Variants in PCBP3 observed in about 807,000 individuals in gnomAD.
PCBP3 encodes the protein poly(rC) binding protein 3, also known as poly(rC)-binding protein 3.
Under a neutral mutation model 52.7 loss-of-function variants are expected in PCBP3, and 25 were observed. The ratio of observed to expected loss-of-function variants is 0.47; its 90% CI spans 0.35 to 0.66. The LOEUF (loss-of-function observed/expected upper bound fraction) is 0.66. PCBP3 is among the 30% of genes least tolerant of loss of function. PCBP3 has a pLI of 0.01. For missense variants in PCBP3, 391 were observed against 490.3 expected (o/e 0.80, Z 1.91); for synonymous variants, 162 against 183.0 (o/e 0.89, Z 0.93).
intron 5 of PCBP3, among the ~76,000 whole-genome samples, chr21:45,862,762 G>A (rs1468013780): frequency 6.6e-6 from 1 of 152,182 alleles, no homozygotes. Flanking sequence ...CGACGAAACC[G>A]GGCCCTCTTC....
At chr21:45,677,487 T>A (rs1322424019) in intron 2 of PCBP3, among the ~76,000 whole-genome samples, 1 of 152,256 alleles carries the variant, frequency 6.6e-6, no homozygotes, top group African/African-American at 2.4e-5. Flanking sequence ...CAAGTGCTGA[T>A]GTAGATGCTG....
At chr21:45,766,687 A>G (rs1421147287) in intron 4 of PCBP3, among the ~76,000 whole-genome samples, 1 of 152,192 alleles carries the variant, frequency 6.6e-6, no homozygotes, top group Non-Finnish European at 1.5e-5. Context: ...AGATGCCCAC[A>G]GATGTCCCCG....
At chr21:45,784,722 C>T (rs1020635017) in intron 4 of PCBP3, among the ~76,000 whole-genome samples, 2 of 152,246 alleles carry the variant, frequency 1.3e-5, no homozygotes, top group African/African-American at 2.4e-5. Context: ...CTCGGCCTCC[C>T]GAGGTGCCGG....
intron 4 of PCBP3, chr21:45,760,576 G>A (rs966839463): frequency 2.0e-5 from 3 of 152,208 alleles, no homozygotes; most frequent in African/African-American, 7.2e-5. Flanking sequence ...CTGGGATTGC[G>A]TGGGTAGAGT....
intron 5 of PCBP3, among the ~76,000 whole-genome samples, chr21:45,852,039 AC>A (rs1327704280): frequency 6.6e-6 from 1 of 152,246 alleles, no homozygotes; most frequent in East Asian, 1.9e-4. Context: ...TGTTCTGTTA[AC>A]AATAGGGTGA....
rs201330830 is a variant in PCBP3, at chr21:45,909,450, C to T, written c.435C>T (p.Ile145=). The T allele has an allele frequency of 1.6e-5, 26 of 1,613,174 alleles. No individual in the cohort carries two copies. Among genetic ancestry groups the T allele is most frequent in the Middle Eastern group, 3.3e-4 (2 of 6,080 alleles). ...VVPASQCGSL[I]GKGGSKIKEI... Reference sequence around the variant, plus strand: ...CTGCCAGCCAGTGTGGGTCCCTGATCGGCAAAGGAGGCTCCAAGATCAAGG... The same window carrying T: ...CTGCCAGCCAGTGTGGGTCCCTGATTGGCAAAGGAGGCTCCAAGATCAAGG... The change falls in exon 10 of 18, where the codon ATC becomes ATT. Residue 145 remains isoleucine (I), a synonymous_variant. Coordinates refer to ENST00000681687, the MANE Select transcript of PCBP3 (RefSeq NM_001384156.1).
chr21:45,865,968 C>T (rs572047516), intron 5 of PCBP3, among the ~76,000 whole-genome samples: 39 of 152,326 alleles, frequency 2.6e-4, no homozygotes, highest in Admixed American at 5.9e-4. Context: ...CCAGGACCCC[C>T]GCATGGACTG....
Position 45,800,435 on chromosome 21 carries a change from C to T in PCBP3, c.-126+44983C>T, listed in dbSNP as rs1316845463. ...TGAGGGTAAATGGAGAGGCTCTTTACCAGCACTGAACTCTGAGCCCAACTG... is the reference window on the plus strand; with the variant it reads ...TGAGGGTAAATGGAGAGGCTCTTTATCAGCACTGAACTCTGAGCCCAACTG... On this transcript the variant is annotated intron_variant, in intron 4 of 17. Coordinates refer to ENST00000681687, the MANE Select transcript of PCBP3 (RefSeq NM_001384156.1). The surrounding 1 kb of genome is among the most constrained non-coding windows in gnomAD (Gnocchi z 5.3). 6.6e-6 allele frequency among the ~76,000 whole-genome samples: 1 copy of T among 152,200 alleles called. No individual in the cohort carries two copies. Among genetic ancestry groups the T allele is most frequent in the Non-Finnish European group, 1.5e-5 (1 of 68,030 alleles).
intron 4 of PCBP3, among the ~76,000 whole-genome samples, chr21:45,770,998 A>G (rs1244595996): frequency 6.6e-6 from 1 of 152,232 alleles, no homozygotes; most frequent in Admixed American, 6.5e-5. Context: ...CAATCAATTC[A>G]GTGGAAATTT....
chr21:45,810,686 C>T (rs1187852073), intron 4 of PCBP3, among the ~76,000 whole-genome samples: 6 of 152,180 alleles, frequency 3.9e-5, no homozygotes, highest in South Asian at 2.1e-4. Context: ...GCTTGGTTTA[C>T]GCAATGACTT....
At chr21:45,682,841 A>G (rs976500014) in intron 2 of PCBP3, among the ~76,000 whole-genome samples, 7 of 152,194 alleles carry the variant, frequency 4.6e-5, no homozygotes, top group African/African-American at 1.7e-4. Flanking sequence ...TATGGATAGC[A>G]GCCTGAAGTT....
intron 2 of PCBP3, among the ~76,000 whole-genome samples, chr21:45,731,823 C>T (rs140988450): frequency 9.8e-4 from 149 of 152,120 alleles, no homozygotes; most frequent in African/African-American, 3.5e-3. Flanking sequence ...ACATTATGCC[C>T]TTATCTCCTC....
In PCBP3 at chr21:45,802,331, C is replaced by G. The variant is rs2092337774; in HGVS notation, c.-126+46879C>G. Among the ~76,000 whole-genome samples, 1 of 152,184 alleles carries G rather than the reference C, an allele frequency of 6.6e-6. No individual in the cohort carries two copies. Among genetic ancestry groups the G allele is most frequent in the African/African-American group, 2.4e-5 (1 of 41,436 alleles). On this transcript the variant is annotated intron_variant, in intron 4 of 17. Coordinates refer to ENST00000681687, the MANE Select transcript of PCBP3 (RefSeq NM_001384156.1). This position sits in a 1 kb window ranked among gnomAD's most constrained non-coding sequence, Gnocchi z 5.1. ...CCCCTTGCTGTGTTCCTGAAGCGTCCTGTCTTCCATGGTCAGGATGCTCTT... is the reference window on the plus strand; with the variant it reads ...CCCCTTGCTGTGTTCCTGAAGCGTCGTGTCTTCCATGGTCAGGATGCTCTT...
chr21:45,764,119 C>CTT (rs71185167), intron 4 of PCBP3, among the ~76,000 whole-genome samples: 1 of 119,796 alleles, frequency 8.3e-6, no homozygotes, highest in African/African-American at 3.2e-5. Context: ...TTTTTTTTTT[C>CTT]TTTTTTTTTT....
At chr21:45,717,245 A>G (rs1051284651) in intron 2 of PCBP3, among the ~76,000 whole-genome samples, 10 of 152,086 alleles carry the variant, frequency 6.6e-5, no homozygotes, top group Non-Finnish European at 1.5e-4. Flanking sequence ...TGGATTTCTT[A>G]GTATTTTCTA....
intron 4 of PCBP3, among the ~76,000 whole-genome samples, chr21:45,814,653 GTGAGTGGTGAGTGA>G (rs1397879147): frequency 4.9e-5 from 5 of 101,492 alleles, no homozygotes; most frequent in Admixed American, 2.9e-4. Flanking sequence ...TGAGTGGTGA[GTGAGTGGTGAGTGA>G]TGAGTGGTGA....
At chr21:45,793,313 G>C (rs1198766986) in intron 4 of PCBP3, among the ~76,000 whole-genome samples, 4 of 152,070 alleles carry the variant, frequency 2.6e-5, no homozygotes, top group African/African-American at 7.2e-5. Context: ...ACCCAGAACT[G>C]TTACCGCACT....
intron 2 of PCBP3, among the ~76,000 whole-genome samples, chr21:45,706,045 A>G (rs988367799): frequency 6.6e-6 from 1 of 152,240 alleles, no homozygotes; most frequent in Admixed American, 6.5e-5. Context: ...CTCAGTTGTC[A>G]AAGAGTCTTT....
intron 9 of PCBP3, among the ~76,000 whole-genome samples, chr21:45,907,247 G>T (rs371462692): frequency 3.3e-5 from 5 of 152,348 alleles, no homozygotes; most frequent in Admixed American, 3.3e-4. Context: ...TGGTCTGCAG[G>T]AGTCCTGGCT....
Sources: allele counts gnomAD v4.1 joint callset (sites outside exome capture counted in the v4.1 genomes callset), GRCh38; gene constraint gnomAD v4.1.1; non-coding constraint Gnocchi (gnomAD v3.1); transcripts MANE v1.5; gene names NCBI Gene and HGNC (gene_info 2026-07-23, HGNC 2026-07-21).